Variants in KLF12 observed in about 807,000 individuals in gnomAD.
KLF12 encodes the protein Krueppel-like factor 12.
KLF12 carries 9 observed loss-of-function variants against 37.8 expected under a neutral mutation model. The observed-to-expected ratio is 0.24, with a 90% CI of 0.14 to 0.42. The LOEUF (loss-of-function observed/expected upper bound fraction) is 0.42, where lower values mean the gene tolerates loss of function less well. Ranked by LOEUF, KLF12 falls within the 10% of genes least tolerant of loss-of-function variation. The pLI is 1.00. For missense variants in KLF12, 411 were observed against 516.0 expected, an observed-to-expected ratio of 0.80 and a Z score of 1.97; for synonymous variants, 208 against 202.1, an observed-to-expected ratio of 1.03 and a Z score of -0.25.
the KLF12 span, among the ~76,000 whole-genome samples, chr13:74,249,363 C>CAG: frequency 2.2e-5 from 3 of 136,826 alleles, no homozygotes; most frequent in Non-Finnish European, 4.7e-5. Context: ...CACACACACA[C>CAG]ACACACACAC....
At chr13:74,282,382 G>C in the KLF12 span, among the ~76,000 whole-genome samples, 1 of 152,080 alleles carries the variant, frequency 6.6e-6, no homozygotes, top group African/African-American at 2.4e-5. Context: ...CCACATACAT[G>C]GTTTATGAAT....
chr13:73,956,329 G>A (rs1890828851), intron 2 of KLF12, among the ~76,000 whole-genome samples: 1 of 152,192 alleles, frequency 6.6e-6, no homozygotes, highest in Non-Finnish European at 1.5e-5. Flanking sequence ...AATAGAGAGA[G>A]TATATTTGAG....
At chr13:73,838,789 T>G (rs772991125) in intron 4 of KLF12, among the ~76,000 whole-genome samples, 23 of 152,204 alleles carry the variant, frequency 1.5e-4, no homozygotes, top group Non-Finnish European at 2.9e-4. Flanking sequence ...ATTGCTTTTG[T>G]GTGGCTAAGG....
At chr13:73,988,224 A>C (rs1891879095) in intron 2 of KLF12, among the ~76,000 whole-genome samples, 1 of 152,134 alleles carries the variant, frequency 6.6e-6, no homozygotes, top group African/African-American at 2.4e-5. Context: ...TTCTAAACTA[A>C]CTTTTCTTGG....
the KLF12 span, among the ~76,000 whole-genome samples, chr13:74,269,072 G>A: frequency 6.6e-6 from 1 of 152,132 alleles, no homozygotes; most frequent in Admixed American, 6.5e-5. Flanking sequence ...TGGCTTAAAG[G>A]TGACTTTAGT....
At chr13:73,968,110 C>G (rs1891223667) in intron 2 of KLF12, among the ~76,000 whole-genome samples, 1 of 152,182 alleles carries the variant, frequency 6.6e-6, no homozygotes, top group African/African-American at 2.4e-5. Context: ...GGATAAGTCA[C>G]TTAACATCTT....
chr13:73,817,290 G>A (rs1031303745), intron 4 of KLF12, among the ~76,000 whole-genome samples: 2 of 145,710 alleles, frequency 1.4e-5, no homozygotes, highest in Non-Finnish European at 3.0e-5. Flanking sequence ...TGCACTCCAG[G>A]CCTGAGCAAC....
At chr13:74,158,597 G>T in the KLF12 span, among the ~76,000 whole-genome samples, 5 of 152,122 alleles carry the variant, frequency 3.3e-5, no homozygotes, top group Non-Finnish European at 7.3e-5. Context: ...AAATCTTGGG[G>T]TAATCATGGG....
At chr13:74,186,151 A>T in the KLF12 span, among the ~76,000 whole-genome samples, 2 of 152,140 alleles carry the variant, frequency 1.3e-5, no homozygotes, top group Non-Finnish European at 2.9e-5. Flanking sequence ...CACAACAAAT[A>T]ACTCAGAAAT....
intron 5 of KLF12, among the ~76,000 whole-genome samples, chr13:73,769,785 C>A (rs1880154341): frequency 6.6e-6 from 1 of 152,102 alleles, no homozygotes; most frequent in Non-Finnish European, 1.5e-5. Context: ...GGCCAAAAAC[C>A]CTTAGAATAA....
intron 1 of KLF12, among the ~76,000 whole-genome samples, chr13:74,059,457 T>C (rs1873447863): frequency 1.3e-5 from 2 of 152,246 alleles, no homozygotes; most frequent in Admixed American, 1.3e-4. Flanking sequence ...TTTCTTGACT[T>C]TTTAATAATT....
chr13:73,894,735 G>A (rs1230412497), intron 3 of KLF12, among the ~76,000 whole-genome samples: 1 of 152,096 alleles, frequency 6.6e-6, no homozygotes. Flanking sequence ...CTAGGAGGTT[G>A]TTGGCTTATC....
chr13:74,144,741 A>G, the KLF12 span, among the ~76,000 whole-genome samples: 2 of 152,172 alleles, frequency 1.3e-5, no homozygotes, highest in African/African-American at 2.4e-5. Context: ...ACAACGGAGA[A>G]TGTCTGTTTA....
At chr13:74,220,724 A>G in the KLF12 span, among the ~76,000 whole-genome samples, 5 of 152,126 alleles carry the variant, frequency 3.3e-5, no homozygotes, top group African/African-American at 1.2e-4. Context: ...CTCTGCTTCT[A>G]TGAAATCGAT....
At chr13:74,070,677 T>C (rs1874181183) in intron 1 of KLF12, among the ~76,000 whole-genome samples, 1 of 152,150 alleles carries the variant, frequency 6.6e-6, no homozygotes. Context: ...AGATCTACTG[T>C]CTTGGTGAAG....
chr13:73,867,193 T>C (rs945581675), intron 3 of KLF12, among the ~76,000 whole-genome samples: 1 of 152,016 alleles, frequency 6.6e-6, no homozygotes, highest in African/African-American at 2.4e-5. Context: ...AACTTAAATG[T>C]AGTAACTCTT....
chr13:74,144,723 A>C, the KLF12 span, among the ~76,000 whole-genome samples: 4 of 152,200 alleles, frequency 2.6e-5, no homozygotes, highest in African/African-American at 9.6e-5. Context: ...TAGAAAGGGC[A>C]AATAAATACA....
At chr13:73,811,364 T>G (rs9573298) in intron 5 of KLF12, among the ~76,000 whole-genome samples, 51,197 of 151,906 alleles carry the variant, frequency 0.34, 9,003 homozygotes, top group East Asian at 0.63. Flanking sequence ...GTTCTAAACT[T>G]TGTCTTGTTA....
chr13:73,976,477 C>T lies in KLF12; in HGVS notation c.33+18513G>A, dbSNP rs544973928. 7.9e-5 allele frequency among the ~76,000 whole-genome samples: 12 copies of T among 152,258 alleles called. No individual in the cohort carries two copies. The South Asian group carries it at 2.5e-3, about 32-fold the overall frequency. On this transcript the variant is annotated intron_variant, in intron 2 of 7. Coordinates refer to ENST00000377669, the MANE Select transcript of KLF12 (RefSeq NM_007249.5). ...AGAAACATGATGAACTTCCCTTTAT[C>T]TCTATGTCAGGTGTTAACACTCCAA...
Sources: allele counts gnomAD v4.1 joint callset (sites outside exome capture counted in the v4.1 genomes callset), GRCh38; gene constraint gnomAD v4.1.1; transcripts MANE v1.5; gene names NCBI Gene and HGNC (gene_info 2026-07-23, HGNC 2026-07-21).